Variants in COL5A1 observed in about 807,000 individuals in gnomAD.
COL5A1 encodes the protein collagen alpha-1(V) chain.
Under a neutral mutation model 263.7 loss-of-function variants are expected in COL5A1, and 16 were observed. That is an observed-to-expected ratio of 0.06 (90% CI 0.04 to 0.09). The LOEUF is 0.09. COL5A1 is among the 10% of genes least tolerant of loss of function. The pLI is 1.00. For synonymous variants in COL5A1, 1,012 were observed against 1,004.5 expected, an observed-to-expected ratio of 1.01 and a Z score of -0.14; for missense variants, 2,036 against 2,540.5, an observed-to-expected ratio of 0.80 and a Z score of 4.27.
intron 58 of COL5A1, among the ~76,000 whole-genome samples, chr9:134,820,648 G>C (rs1197483336): frequency 6.6e-6 from 1 of 152,178 alleles, no homozygotes; most frequent in African/African-American, 2.4e-5. Flanking sequence ...CTTGTCCCCA[G>C]CTGCCCCCAA....
intron 32 of COL5A1, among the ~76,000 whole-genome samples, chr9:134,792,785 A>ATG (rs575047102): frequency 4.1e-3 from 192 of 46,998 alleles, no homozygotes; most frequent in African/African-American, 0.012. Context: ...GTGTGTACAT[A>ATG]TGTGTGTGTG....
chr9:134,721,261 C>T (rs535048479), intron 4 of COL5A1, among the ~76,000 whole-genome samples: 12 of 148,470 alleles, frequency 8.1e-5, no homozygotes, highest in African/African-American at 2.7e-4. Context: ...GTCAGATGTC[C>T]CCCCCATGGG....
intron 31 of COL5A1, among the ~76,000 whole-genome samples, chr9:134,787,033 T>G (rs1346062346): frequency 2.0e-5 from 3 of 152,256 alleles, no homozygotes; most frequent in Non-Finnish European, 4.4e-5. Context: ...GGTAGCTTGC[T>G]GTGAAACAGG....
rs543901036 is a variant in COL5A1, at chr9:134,683,629, G to C, written c.110-7283G>C. Reference sequence around the variant, plus strand: ...AAGCTGTGGGTTGCTCAGTCGTTCAGCAAACACGGCTGAGTGCCCAGTGTG... The same window carrying C: ...AAGCTGTGGGTTGCTCAGTCGTTCACCAAACACGGCTGAGTGCCCAGTGTG... On this transcript the variant is annotated intron_variant, in intron 1 of 65. Transcript: ENST00000371817. 2.0e-5 allele frequency among the ~76,000 whole-genome samples: 3 copies of C among 152,272 alleles called. No individual in the cohort carries two copies. The East Asian group carries it at 5.8e-4, about 29-fold the overall frequency.
intron 41 of COL5A1, among the ~76,000 whole-genome samples, chr9:134,805,936 C>G (rs779638232): frequency 2.0e-5 from 3 of 152,124 alleles, no homozygotes; most frequent in Non-Finnish European, 4.4e-5. Context: ...GAAGAGGGAG[C>G]CCATTGAAGG....
At chr9:134,766,963 G>T in intron 22 of COL5A1, 37 bp from the exon 23 acceptor site, 1 of 1,600,836 alleles carries the variant, frequency 6.2e-7, no homozygotes, top group Non-Finnish European at 8.5e-7. Flanking sequence ...ACAGTTCCCA[G>T]AGCCCCCTTC....
intron 1 of COL5A1, among the ~76,000 whole-genome samples, chr9:134,675,430 G>A (rs1299717768): frequency 6.6e-6 from 1 of 152,154 alleles, no homozygotes; most frequent in Non-Finnish European, 1.5e-5. Flanking sequence ...TAGTAACATC[G>A]AATGTTATTT....
intron 1 of COL5A1, among the ~76,000 whole-genome samples, chr9:134,671,806 C>T (rs1832546760): frequency 6.6e-6 from 1 of 152,236 alleles, no homozygotes; most frequent in Non-Finnish European, 1.5e-5. Flanking sequence ...CCTTGTATTT[C>T]TAAATCTGCC....
chr9:134,732,557 C>T, intron 9 of COL5A1: 1 of 286,626 alleles, frequency 3.5e-6, no homozygotes, highest in East Asian at 7.7e-5. Context: ...GGTCGTACCT[C>T]TCTGCGTCTG....
rs1337404921 is a variant in COL5A1, at chr9:134,732,225, A to T, written c.1389+98A>T. 3.2e-6 allele frequency: 4 copies of T among 1,260,706 alleles called. No individual in the cohort carries two copies. The Admixed American group carries it at 6.8e-5, about 21-fold the overall frequency. 78.1% of individuals were successfully genotyped at this position (1,260,706 alleles called of 1,614,324 possible). A position where few individuals can be genotyped will look rare whatever the true frequency, so the allele number is the denominator to read the frequency against. ...TGTGAACAGGTCCGTGGGCCCCTGC[A>T]CCTGCGCGCACTGGGTCACTTCGAG... On this transcript the variant is annotated intron_variant, in intron 9 of 65. Transcript: ENST00000371817.
chr9:134,817,534 T>A (rs1838803650), intron 53 of COL5A1, among the ~76,000 whole-genome samples: 1 of 152,164 alleles, frequency 6.6e-6, no homozygotes, highest in African/African-American at 2.4e-5. Context: ...GAGAGGCCTT[T>A]ACCTGGGACT....
At chr9:134,799,604 G>A (rs1295248875) in intron 37 of COL5A1, among the ~76,000 whole-genome samples, 1 of 152,152 alleles carries the variant, frequency 6.6e-6, no homozygotes, top group African/African-American at 2.4e-5. Context: ...GTCTCTGAGT[G>A]CCCTGTTGAA....
rs1037042950 is a variant in COL5A1, at chr9:134,681,969, C to T, written c.110-8943C>T. Among the ~76,000 whole-genome samples the T allele has an allele frequency of 8.5e-5, 13 of 152,226 alleles. No individual in the cohort carries two copies. The highest frequency in any genetic ancestry group is 1.8e-4 in the Non-Finnish European group (12 of 68,004). ...TCCCCATCTCTCCCTCCCTCTCTCT[C>T]TCTCTTGCTCTCTGTCTGTCCCCAC... On this transcript the variant is annotated intron_variant, in intron 1 of 65. Transcript: ENST00000371817. This position sits in a 1 kb window ranked among gnomAD's most constrained non-coding sequence, Gnocchi z 4.3.
chr9:134,755,777 G>T lies in COL5A1; in HGVS notation c.1828-988G>T, dbSNP rs998383533. Among the ~76,000 whole-genome samples, 1 of 152,178 alleles carries T rather than the reference G, an allele frequency of 6.6e-6. No individual in the cohort carries two copies. The highest frequency in any genetic ancestry group is 1.5e-5 in the Non-Finnish European group (1 of 68,042). On this transcript the variant is annotated intron_variant, in intron 16 of 65. Transcript: ENST00000371817. The surrounding 1 kb of genome is among the most constrained non-coding windows in gnomAD (Gnocchi z 4.1). ...CAACGGGAGCACCGACTGTCTCCTT[G>T]GGGTGTGTTTGGATTTCTCTCTTTT...
chr9:134,817,962 C>A, intron 54 of COL5A1, 131 bp downstream of exon 54: 1 of 918,202 alleles, frequency 1.1e-6, no homozygotes, highest in Non-Finnish European at 1.7e-6. Context: ...GGGCACCTGG[C>A]TCATGGCCTA....
intron 30 of COL5A1, 21 bp from the exon 31 acceptor site, chr9:134,785,974 T>C (rs1837444181): frequency 1.9e-6 from 3 of 1,609,900 alleles, no homozygotes; most frequent in Non-Finnish European, 2.5e-6. Context: ...TGGCCATTAA[T>C]GCAACTCTTT....
intron 4 of COL5A1, among the ~76,000 whole-genome samples, chr9:134,723,152 C>A (rs1834527642): frequency 6.6e-6 from 1 of 152,122 alleles, no homozygotes; most frequent in Non-Finnish European, 1.5e-5. Flanking sequence ...CAGCAGATGC[C>A]CCAGCCCAGG....
Position 134,681,253 on chromosome 9 carries a change from G to T in COL5A1, c.110-9659G>T, listed in dbSNP as rs1209463574. Reference sequence around the variant, plus strand: ...TCAGCCCGGCCCTTCAAGAACTGTGGCTCTCTGGCTTCCAGGAAATACAGG... The same window carrying T: ...TCAGCCCGGCCCTTCAAGAACTGTGTCTCTCTGGCTTCCAGGAAATACAGG... On this transcript the variant is annotated intron_variant, in intron 1 of 65. Coordinates refer to ENST00000371817, the MANE Select transcript of COL5A1 (RefSeq NM_000093.5). This position sits in a 1 kb window ranked among gnomAD's most constrained non-coding sequence, Gnocchi z 4.3. Among the ~76,000 whole-genome samples the T allele has an allele frequency of 6.6e-6, 1 of 152,238 alleles. No homozygotes were observed. Among genetic ancestry groups the T allele is most frequent in the Admixed American group, 6.5e-5 (1 of 15,284 alleles).
intron 4 of COL5A1, among the ~76,000 whole-genome samples, chr9:134,710,658 A>G (rs1394215720): frequency 8.5e-4 from 37 of 43,406 alleles, no homozygotes; most frequent in South Asian, 3.3e-3. Flanking sequence ...GTGGGGGAGG[A>G]GCCCCCGTCT....
Sources: allele counts gnomAD v4.1 joint callset (sites outside exome capture counted in the v4.1 genomes callset), GRCh38; gene constraint gnomAD v4.1.1; non-coding constraint Gnocchi (gnomAD v3.1); transcripts MANE v1.5; gene names NCBI Gene and HGNC (gene_info 2026-07-23, HGNC 2026-07-21).